The following CSMD1 variants were observed in gnomAD, a reference collection of about 807,000 sequenced individuals.
CSMD1 encodes the protein CUB and sushi domain-containing protein 1.
A neutral mutation model predicts 417.5 loss-of-function variants in CSMD1; 213 were observed. That is an observed-to-expected ratio of 0.51 (90% CI 0.46 to 0.57). CSMD1 has a LOEUF of 0.57. CSMD1 is among the 20% of genes least tolerant of loss of function. CSMD1 has a pLI of 0.00. For synonymous variants in CSMD1, 2,862 were observed against 1,736.8 expected (o/e 1.65, Z -16.11); for missense variants, 6,923 against 4,529.7 (o/e 1.53, Z -15.17).
At chr8:4,510,390 TAAAA>T (rs34791623) in intron 2 of CSMD1, among the ~76,000 whole-genome samples, 632 of 54,438 alleles carry the variant, frequency 0.012, no homozygotes, top group East Asian at 0.023. Context: ...GCATAATGCC[TAAAA>T]AAAAAAAAAA....
At chr8:3,150,833 G>C (rs1056824185) in intron 40 of CSMD1, among the ~76,000 whole-genome samples, 1 of 151,936 alleles carries the variant, frequency 6.6e-6, no homozygotes. Context: ...CCAGAAAAAG[G>C]TTCTATAATA....
chr8:3,277,558 A>C (rs1802395069), intron 26 of CSMD1, among the ~76,000 whole-genome samples: 1 of 152,152 alleles, frequency 6.6e-6, no homozygotes, highest in Admixed American at 6.5e-5. Context: ...TGGCTCCAAA[A>C]GTTTCATCCT....
intron 2 of CSMD1, among the ~76,000 whole-genome samples, chr8:4,421,082 A>C (rs147227563): frequency 6.6e-6 from 1 of 152,168 alleles, no homozygotes; most frequent in African/African-American, 2.4e-5. Flanking sequence ...TTGGATGCCA[A>C]TCCAAACAAC....
chr8:4,272,943 T>G (rs1298739510), intron 3 of CSMD1, among the ~76,000 whole-genome samples: 1 of 152,174 alleles, frequency 6.6e-6, no homozygotes, highest in Non-Finnish European at 1.5e-5. Context: ...GAAAGGAAAT[T>G]AGTTCACAAT....
At chr8:4,116,739 G>T (rs1471561930) in intron 3 of CSMD1, among the ~76,000 whole-genome samples, 2 of 152,010 alleles carry the variant, frequency 1.3e-5, no homozygotes, top group Non-Finnish European at 2.9e-5. Flanking sequence ...AAAAGGGGCG[G>T]CTACGTGGAG....
In CSMD1 at chr8:3,367,168, G is replaced by T; in HGVS notation, c.2979C>A (p.Ser993=). Residue 993 remains serine (S), a synonymous_variant, in exon 20 of 70, where the codon TCC becomes TCA. Transcript: ENST00000635120. ...ACCCGGTGAGCCTGGCAACGGGCTC[G>T]GAAAAACTTCCATCCTCTGTGATCA... ...YLLITEDGSF[S]EPVARLTGSV... 6.2e-7 allele frequency: 1 copy of T among 1,613,584 alleles called. No homozygotes were observed. Among genetic ancestry groups the T allele is most frequent in the Non-Finnish European group, 8.5e-7 (1 of 1,179,736 alleles).
chr8:3,254,775 A>AT (rs1053007213), intron 26 of CSMD1, among the ~76,000 whole-genome samples: 1 of 151,502 alleles, frequency 6.6e-6, no homozygotes, highest in Non-Finnish European at 1.5e-5. Flanking sequence ...CATTCATGTA[A>AT]TTTTTTTTCA....
chr8:3,308,729 C>T (rs980729808), intron 23 of CSMD1, among the ~76,000 whole-genome samples: 3 of 102,918 alleles, frequency 2.9e-5, no homozygotes, highest in African/African-American at 7.0e-5. Flanking sequence ...TCCCTACTTA[C>T]AAGTTTTTTT....
intron 3 of CSMD1, among the ~76,000 whole-genome samples, chr8:4,198,511 T>C (rs564866442): frequency 6.6e-6 from 1 of 152,210 alleles, no homozygotes; most frequent in Admixed American, 6.5e-5. Context: ...ATCACTAGGA[T>C]GGATTTGGGG....
At chr8:4,969,579 T>C (rs968501520) in intron 1 of CSMD1, among the ~76,000 whole-genome samples, 1 of 151,990 alleles carries the variant, frequency 6.6e-6, no homozygotes. Context: ...CTCAGTTCTA[T>C]TTTTATCTCA....
At chr8:4,870,897 G>T (rs1340102444) in intron 1 of CSMD1, among the ~76,000 whole-genome samples, 1 of 152,126 alleles carries the variant, frequency 6.6e-6, no homozygotes, top group Non-Finnish European at 1.5e-5. Flanking sequence ...GGCCCTTTGG[G>T]CTTCAACCAT....
intron 6 of CSMD1, among the ~76,000 whole-genome samples, chr8:3,719,635 C>T (rs1362341925): frequency 6.6e-6 from 1 of 152,098 alleles, no homozygotes; most frequent in Non-Finnish European, 1.5e-5. Context: ...GAGGAAAGTG[C>T]ACTCTGGGTA....
At chr8:4,961,855 A>G (rs1183085851) in intron 1 of CSMD1, among the ~76,000 whole-genome samples, 2 of 151,164 alleles carry the variant, frequency 1.3e-5, no homozygotes, top group African/African-American at 4.9e-5. Flanking sequence ...TCTTGATTTC[A>G]CTTTAAATTT....
intron 3 of CSMD1, among the ~76,000 whole-genome samples, chr8:4,055,179 G>C (rs1475740954): frequency 1.3e-5 from 2 of 152,256 alleles, no homozygotes; most frequent in East Asian, 1.9e-4. Flanking sequence ...CTCATACGCA[G>C]TCAAGTTAAA....
At chr8:4,575,435 T>A (rs772490439) in intron 2 of CSMD1, among the ~76,000 whole-genome samples, 25 of 152,208 alleles carry the variant, frequency 1.6e-4, no homozygotes, top group Non-Finnish European at 3.2e-4. Flanking sequence ...ACATATTGTC[T>A]GTGTAACATC....
chr8:4,155,865 A>T (rs916673958), intron 3 of CSMD1, among the ~76,000 whole-genome samples: 1 of 152,174 alleles, frequency 6.6e-6, no homozygotes, highest in Non-Finnish European at 1.5e-5. Flanking sequence ...ACAACAAAAA[A>T]GTGCCATCCT....
chr8:4,554,760 G>C (rs562580852), intron 2 of CSMD1, among the ~76,000 whole-genome samples: 1 of 152,338 alleles, frequency 6.6e-6, no homozygotes, highest in Non-Finnish European at 1.5e-5. Context: ...TTGAGTGCTA[G>C]TCATTGGCCA....
intron 22 of CSMD1, 128 bp downstream of exon 22, chr8:3,347,864 A>C (rs1808115402): frequency 6.6e-6 from 4 of 601,832 alleles, no homozygotes; most frequent in Non-Finnish European, 1.1e-5. Context: ...GTGTAAATAA[A>C]TACAAATAAA....
intron 10 of CSMD1, among the ~76,000 whole-genome samples, chr8:3,527,215 C>T (rs1438009246): frequency 6.6e-6 from 1 of 152,112 alleles, no homozygotes; most frequent in Non-Finnish European, 1.5e-5. Flanking sequence ...TTTTCCACTA[C>T]TCAGAACCAA....
Sources: gnomAD v4.1 joint callset for allele counts (sites outside exome capture counted in the v4.1 genomes callset) on GRCh38, gnomAD v4.1.1 for gene constraint, MANE v1.5 for transcripts, NCBI Gene and HGNC (gene_info 2026-07-23, HGNC 2026-07-21) for gene names.